The following GRIA1 variants were observed in gnomAD, a reference collection of about 807,000 sequenced individuals.
GRIA1 encodes the protein glutamate receptor 1.
Under a neutral mutation model 99.2 loss-of-function variants are expected in GRIA1, and 31 were observed. That is an observed-to-expected ratio of 0.31 (90% CI 0.23 to 0.42). The LOEUF is 0.42. Among genes scored for constraint, GRIA1 ranks in the 10% least tolerant of loss-of-function variants. GRIA1 has a pLI of 1.00. For synonymous variants in GRIA1, 438 were observed against 432.4 expected, an observed-to-expected ratio of 1.01 and a Z score of -0.16; for missense variants, 782 against 1,157.5, an observed-to-expected ratio of 0.68 and a Z score of 4.71.
chr5:153,545,249 G>A (rs1353083), intron 2 of GRIA1, among the ~76,000 whole-genome samples: 3,139 of 152,302 alleles, frequency 0.021, 109 homozygotes, highest in African/African-American at 0.07. Flanking sequence ...TTGCAAAATT[G>A]AGGGAGAACG....
chr5:153,620,362 C>T (rs77472589), intron 2 of GRIA1, among the ~76,000 whole-genome samples: 5 of 151,872 alleles, frequency 3.3e-5, no homozygotes, highest in East Asian at 3.9e-4. Flanking sequence ...TGAGACAATG[C>T]GACAAGCACT....
intron 7 of GRIA1, among the ~76,000 whole-genome samples, chr5:153,685,494 C>T (rs923093384): frequency 6.6e-6 from 1 of 152,192 alleles, no homozygotes; most frequent in Non-Finnish European, 1.5e-5. Context: ...TTCTTTAACA[C>T]CTTGCATTCT....
chr5:153,689,407 A>T (rs1213445013), intron 8 of GRIA1, among the ~76,000 whole-genome samples: 1 of 152,210 alleles, frequency 6.6e-6, no homozygotes, highest in East Asian at 1.9e-4. Flanking sequence ...GATAGAACAA[A>T]TTGGCATTTC....
chr5:153,813,684 G>A lies in GRIA1; in HGVS notation c.*2459G>A, dbSNP rs1364079724. The A allele has an allele frequency of 1.3e-5, 2 of 152,120 alleles. No homozygotes were observed. The highest frequency in any genetic ancestry group is 3.9e-4 in the East Asian group (2 of 5,188). The allele number at this position is 152,120 out of a possible 1,614,324, so 9.4% of individuals were successfully genotyped here. ...CATTAAATTTTGCTCTTTGGTACCT[G>A]GGCCTTTTATTTAACATCTATATTT... On this transcript the variant is annotated 3_prime_UTR_variant, in exon 16 of 16. Coordinates refer to ENST00000285900, the MANE Select transcript of GRIA1 (RefSeq NM_000827.4).
chr5:153,709,663 C>T (rs985498937), intron 11 of GRIA1, among the ~76,000 whole-genome samples: 8 of 152,112 alleles, frequency 5.3e-5, no homozygotes, highest in African/African-American at 9.7e-5. Context: ...CATAAGATGG[C>T]GGTTCCCAAA....
intron 2 of GRIA1, among the ~76,000 whole-genome samples, chr5:153,547,686 G>A (rs1759731486): frequency 6.6e-6 from 1 of 152,198 alleles, no homozygotes; most frequent in South Asian, 2.1e-4. Flanking sequence ...CTAGTTACTT[G>A]TAACACAGTT....
chr5:153,579,740 C>T (rs1762880548), intron 2 of GRIA1, among the ~76,000 whole-genome samples: 1 of 152,038 alleles, frequency 6.6e-6, no homozygotes, highest in African/African-American at 2.4e-5. Flanking sequence ...GAGAAATGGC[C>T]ATGAAGTGCT....
At chr5:153,809,754 G>A (rs1046499716) in intron 15 of GRIA1, among the ~76,000 whole-genome samples, 1 of 152,188 alleles carries the variant, frequency 6.6e-6, no homozygotes, top group Non-Finnish European at 1.5e-5. Flanking sequence ...TCTTACAGAA[G>A]ACAAAACTTA....
chr5:153,747,727 C>T (rs1428401792), intron 11 of GRIA1, among the ~76,000 whole-genome samples: 1 of 152,210 alleles, frequency 6.6e-6, no homozygotes, highest in African/African-American at 2.4e-5. Context: ...CCCTGCAGAG[C>T]CCAGTTACGT....
Position 153,657,891 on chromosome 5 carries a change from G to A in GRIA1, c.699+2019G>A, listed in dbSNP as rs982945. 1.1e-4 allele frequency among the ~76,000 whole-genome samples: 17 copies of A among 151,972 alleles called. No individual in the cohort carries two copies. The South Asian group carries it at 1.2e-3, about 11-fold the overall frequency. ...GGCTCTCCAGACACTTTTGGGGAAC[G>A]AAGAGTCTCACCCTCCAAAGACCAT... On this transcript the variant is annotated intron_variant, in intron 5 of 15. Transcript: ENST00000285900.
chr5:153,564,830 C>T (rs947868658), intron 2 of GRIA1, among the ~76,000 whole-genome samples: 1 of 152,134 alleles, frequency 6.6e-6, no homozygotes, highest in Admixed American at 6.6e-5. Flanking sequence ...AATCTGTAGC[C>T]TCCTCTCCTT....
At chr5:153,611,444 G>T (rs911688380) in intron 2 of GRIA1, among the ~76,000 whole-genome samples, 4 of 152,088 alleles carry the variant, frequency 2.6e-5, no homozygotes, top group African/African-American at 9.7e-5. Flanking sequence ...ACATCTCCAT[G>T]ATTTTCTGTT....
At chr5:153,775,878 G>A (rs1054456089) in intron 13 of GRIA1, among the ~76,000 whole-genome samples, 1 of 147,548 alleles carries the variant, frequency 6.8e-6, no homozygotes, top group Non-Finnish European at 1.5e-5. Flanking sequence ...GGGCTGAAGA[G>A]GAAAAGAGAG....
intron 2 of GRIA1, among the ~76,000 whole-genome samples, chr5:153,562,293 G>C (rs1456558253): frequency 6.6e-6 from 1 of 152,148 alleles, no homozygotes; most frequent in Non-Finnish European, 1.5e-5. Context: ...GGGTGCATAT[G>C]AGGGAGTTAC....
At chr5:153,667,241 C>T (rs991575599) in intron 5 of GRIA1, among the ~76,000 whole-genome samples, 5 of 152,188 alleles carry the variant, frequency 3.3e-5, no homozygotes, top group African/African-American at 1.2e-4. Flanking sequence ...ATAAACCTTA[C>T]TTGCCCGTTT....
At chr5:153,590,893 A>G (rs1763916531) in intron 2 of GRIA1, among the ~76,000 whole-genome samples, 1 of 152,148 alleles carries the variant, frequency 6.6e-6, no homozygotes, top group African/African-American at 2.4e-5. Context: ...ACCCTTTTAA[A>G]GTTGAGAAGA....
intron 5 of GRIA1, among the ~76,000 whole-genome samples, chr5:153,664,224 T>G (rs190766375): frequency 6.6e-6 from 1 of 152,334 alleles, no homozygotes; most frequent in Admixed American, 6.5e-5. Context: ...TGCCAAGCAC[T>G]GTTCTCTAAG....
rs535944021 is a variant in GRIA1, at chr5:153,723,633, G to A, written c.1823+17566G>A. ...GAGGGTCCTACCCCCACGGAGTCTCGCTGATTGCTAGCACAGCAGTCTGAG... is the reference window on the plus strand; with the variant it reads ...GAGGGTCCTACCCCCACGGAGTCTCACTGATTGCTAGCACAGCAGTCTGAG... On this transcript the variant is annotated intron_variant, in intron 11 of 15. Transcript: ENST00000285900. Among the ~76,000 whole-genome samples the A allele has an allele frequency of 6.0e-4, 91 of 152,240 alleles. No individual in the cohort carries two copies. In the South Asian group the frequency reaches 6.2e-3, roughly 10 times the overall value.
intron 5 of GRIA1, among the ~76,000 whole-genome samples, chr5:153,668,684 TA>T (rs1755926793): frequency 6.6e-6 from 1 of 152,180 alleles, no homozygotes; most frequent in Non-Finnish European, 1.5e-5. Context: ...AGATGTGGAA[TA>T]GGGGGACACT....
Sources: allele counts gnomAD v4.1 joint callset (sites outside exome capture counted in the v4.1 genomes callset), GRCh38; gene constraint gnomAD v4.1.1; transcripts MANE v1.5; gene names NCBI Gene and HGNC (gene_info 2026-07-23, HGNC 2026-07-21).